The following DMD variants were observed in gnomAD, a reference collection of about 807,000 sequenced individuals.
The protein encoded by DMD is dystrophin.
In DMD, 63 loss-of-function variants were observed where a neutral mutation model predicts 330.1. The observed-to-expected ratio is 0.19, with a 90% CI of 0.16 to 0.24. The LOEUF (loss-of-function observed/expected upper bound fraction) is 0.24. Among genes scored for constraint, DMD ranks in the 10% least tolerant of loss-of-function variants. DMD has a pLI of 1.00. For synonymous variants in DMD, 1,223 were observed against 959.8 expected (o/e 1.27, Z -5.07); for missense variants, 3,344 against 2,684.1 (o/e 1.25, Z -5.43).
At chrX:31,896,156 C>G (rs2094329117) in intron 47 of DMD, among the ~76,000 whole-genome samples, 1 of 111,787 alleles carries the variant, frequency 8.9e-6, no homozygotes, top group South Asian at 3.7e-4. Flanking sequence ...TTAAATTTTA[C>G]AGTTCATATG....
In DMD at chrX:32,548,450, C is replaced by G. The variant is rs1031511378; in HGVS notation, c.1993-3116G>C. Among the ~76,000 whole-genome samples the G allele has an allele frequency of 6.3e-5, 7 of 111,690 alleles. No individual in the cohort carries two copies. The Admixed American group carries it at 6.7e-4, about 11-fold the overall frequency. ...TAATATTTATCCTTGTTTATAGGGT[C>G]TTTCTAACAGTAACTTTTGGAAACA... On this transcript the variant is annotated intron_variant, in intron 16 of 78. Transcript: ENST00000357033.
intron 2 of DMD, among the ~76,000 whole-genome samples, chrX:32,883,393 T>C (rs1191959662): frequency 8.9e-6 from 1 of 111,933 alleles, no homozygotes; most frequent in African/African-American, 3.3e-5. Context: ...CTTATGCATT[T>C]TTAAAGTATA....
intron 50 of DMD, among the ~76,000 whole-genome samples, chrX:31,775,410 G>A (rs914932762): frequency 2.3e-4 from 26 of 111,117 alleles, no homozygotes; most frequent in South Asian, 7.7e-4. Context: ...TCAAAAGTCC[G>A]TGTGTGGCCC....
intron 2 of DMD, among the ~76,000 whole-genome samples, chrX:32,958,114 C>A (rs1020522471): frequency 9.0e-6 from 1 of 111,329 alleles, no homozygotes; most frequent in East Asian, 2.8e-4. Flanking sequence ...AGATTTTCAG[C>A]GTAAGAGAGA....
chrX:32,104,306 A>G (rs1446109518), intron 44 of DMD, among the ~76,000 whole-genome samples: 2 of 111,898 alleles, frequency 1.8e-5, no homozygotes, highest in African/African-American at 6.5e-5. Context: ...GTGCTTTGCT[A>G]CTTCACAGTA....
chrX:33,199,362 G>A (rs1255390098), intron 1 of DMD, among the ~76,000 whole-genome samples: 1 of 111,150 alleles, frequency 9.0e-6, no homozygotes, highest in African/African-American at 3.3e-5. Context: ...AGAAATAACT[G>A]GGTAAAAAAG....
intron 45 of DMD, among the ~76,000 whole-genome samples, chrX:31,967,351 TG>T (rs2095361045): frequency 2.2e-5 from 2 of 92,769 alleles, no homozygotes; most frequent in South Asian, 4.4e-4. Flanking sequence ...TGTGTGTGTG[TG>T]TGTTTAGGTC....
At chrX:32,628,603 T>C (rs768153805) in intron 11 of DMD, among the ~76,000 whole-genome samples, 3 of 110,483 alleles carry the variant, frequency 2.7e-5, no homozygotes, top group African/African-American at 9.9e-5. Context: ...CTTTAAGGTG[T>C]ATCATTCAAT....
intron 62 of DMD, among the ~76,000 whole-genome samples, chrX:31,322,589 C>T (rs1399343631): frequency 8.9e-6 from 1 of 111,799 alleles, no homozygotes; most frequent in Non-Finnish European, 1.9e-5. Context: ...ACCTTCACTC[C>T]CATTTTTCTG....
chrX:32,708,570 A>AT (rs2064896910), intron 7 of DMD, among the ~76,000 whole-genome samples: 1 of 112,046 alleles, frequency 8.9e-6, no homozygotes, highest in Admixed American at 9.5e-5. Flanking sequence ...CAATTGGCAC[A>AT]TAATTGTAAT....
At chrX:31,503,741 G>C (rs1169818428) in intron 56 of DMD, among the ~76,000 whole-genome samples, 8 of 111,257 alleles carry the variant, frequency 7.2e-5, no homozygotes, top group Non-Finnish European at 5.7e-5. Flanking sequence ...TACTCATATG[G>C]GAGAGTGAGG....
In DMD at chrX:31,938,864, A is replaced by G. The variant is rs749350988; in HGVS notation, c.6615-6637T>C. Among the ~76,000 whole-genome samples, 12 of 111,786 alleles carry G rather than the reference A, an allele frequency of 1.1e-4. No homozygotes were observed. In the South Asian group the frequency reaches 3.7e-3, roughly 34 times the overall value. ...TTTACAATGGCATCCAACTCTTGCA[A>G]TTGTGATGTCATACAACCAAAGTCA... is the stretch of plus-strand genomic sequence containing the variant. On this transcript the variant is annotated intron_variant, in intron 45 of 78. Transcript: ENST00000357033.
chrX:32,980,437 A>G (rs2092680384), intron 2 of DMD, among the ~76,000 whole-genome samples: 1 of 108,526 alleles, frequency 9.2e-6, no homozygotes, highest in Non-Finnish European at 1.9e-5. Context: ...TATATAAAGT[A>G]CAATAAGATA....
intron 7 of DMD, among the ~76,000 whole-genome samples, chrX:32,800,840 T>G (rs906190904): frequency 1.8e-5 from 2 of 111,023 alleles, no homozygotes; most frequent in African/African-American, 6.6e-5. Context: ...GAGAATGATG[T>G]TTTCCAGCTT....
chrX:33,219,190 C>A (rs1408361432), intron 1 of DMD, among the ~76,000 whole-genome samples: 1 of 109,802 alleles, frequency 9.1e-6, no homozygotes, highest in African/African-American at 3.3e-5. Context: ...TATTTTAGCT[C>A]GTCCCCTTCT....
At chrX:31,357,769 G>C (rs1291978533) in intron 60 of DMD, among the ~76,000 whole-genome samples, 1 of 111,590 alleles carries the variant, frequency 9.0e-6, no homozygotes, top group Admixed American at 9.6e-5. Flanking sequence ...TCTGGCAAGT[G>C]ACTGAAAAGC....
intron 23 of DMD, among the ~76,000 whole-genome samples, chrX:32,466,484 T>A (rs1183499219): frequency 9.0e-6 from 1 of 111,546 alleles, no homozygotes; most frequent in Admixed American, 9.6e-5. Flanking sequence ...GTCCTCACCC[T>A]AATCTCTGAA....
At chrX:31,728,218 G>T (rs2086221840) in intron 52 of DMD, among the ~76,000 whole-genome samples, 1 of 111,413 alleles carries the variant, frequency 9.0e-6, no homozygotes, top group Non-Finnish European at 1.9e-5. Flanking sequence ...GTAGAGACGG[G>T]GTTTCACCGT....
At chrX:31,184,858 G>T (rs775013901) in intron 67 of DMD, among the ~76,000 whole-genome samples, 4 of 93,478 alleles carry the variant, frequency 4.3e-5, no homozygotes, top group East Asian at 3.6e-4. Flanking sequence ...GTAAACTATC[G>T]CAAGGACAAA....
Sources: allele counts gnomAD v4.1 joint callset (sites outside exome capture counted in the v4.1 genomes callset), GRCh38; gene constraint gnomAD v4.1.1; transcripts MANE v1.5; gene names NCBI Gene and HGNC (gene_info 2026-07-23, HGNC 2026-07-21).